The following SIPA1L3 variants were observed in gnomAD, a reference collection of about 807,000 sequenced individuals.
SIPA1L3 encodes the protein signal-induced proliferation-associated 1-like protein 3.
SIPA1L3 carries 59 observed loss-of-function variants against 150.1 expected under a neutral mutation model. The ratio of observed to expected loss-of-function variants is 0.39; its 90% CI spans 0.32 to 0.49. SIPA1L3 has a LOEUF of 0.49. SIPA1L3 is among the 20% of genes least tolerant of loss of function. The pLI, the probability that SIPA1L3 is intolerant of heterozygous loss-of-function variation, is 0.86. For synonymous variants in SIPA1L3, 1,070 were observed against 1,077.6 expected (o/e 0.99, Z 0.14); for missense variants, 2,211 against 2,489.5 (o/e 0.89, Z 2.38).
chr19:38,145,591 G>A (rs556561920), intron 12 of SIPA1L3, among the ~76,000 whole-genome samples: 51 of 149,818 alleles, frequency 3.4e-4, no homozygotes, highest in African/African-American at 1.2e-3. Context: ...AACCCTTCAC[G>A]CAGCCTCCCC....
intron 8 of SIPA1L3, 111 bp from the exon 9 acceptor site, chr19:38,119,195 G>C (rs1290239278): frequency 9.2e-7 from 1 of 1,083,396 alleles, no homozygotes. Context: ...GACCTGTCTC[G>C]ATAAAACAAA....
At chr19:37,914,613 G>A (rs1183795081) in intron 1 of SIPA1L3, among the ~76,000 whole-genome samples, 2 of 152,052 alleles carry the variant, frequency 1.3e-5, no homozygotes, top group African/African-American at 2.4e-5. Flanking sequence ...CTGACCTCAG[G>A]TGATCTGCCT....
chr19:37,964,048 C>T (rs1485763928), intron 1 of SIPA1L3: 2 of 152,124 alleles, frequency 1.3e-5, no homozygotes, highest in Non-Finnish European at 2.9e-5. Context: ...TTTGCCCACT[C>T]CTCAGCCCAT....
At chr19:38,196,237 G>T (rs997280866) in intron 18 of SIPA1L3, among the ~76,000 whole-genome samples, 1 of 152,254 alleles carries the variant, frequency 6.6e-6, no homozygotes, top group East Asian at 1.9e-4. Flanking sequence ...CTCAGCAATG[G>T]CAGCCACTCC....
chr19:37,997,323 T>G (rs932132071), intron 1 of SIPA1L3, among the ~76,000 whole-genome samples: 4 of 151,632 alleles, frequency 2.6e-5, no homozygotes, highest in Admixed American at 6.6e-5. Context: ...ATCCCAGCAC[T>G]TTGGGAGGCT....
intron 1 of SIPA1L3, among the ~76,000 whole-genome samples, chr19:37,921,078 G>GC (rs1170880779): frequency 3.3e-5 from 5 of 152,180 alleles, no homozygotes; most frequent in Non-Finnish European, 1.5e-5. Flanking sequence ...TCTTTGGTGT[G>GC]CCCACAGCAC....
intron 21 of SIPA1L3, among the ~76,000 whole-genome samples, chr19:38,205,414 G>T (rs900596314): frequency 6.8e-6 from 1 of 146,228 alleles, no homozygotes; most frequent in Non-Finnish European, 1.5e-5. Flanking sequence ...CCGAGATCAT[G>T]CCTCTGCACT....
intron 10 of SIPA1L3, among the ~76,000 whole-genome samples, chr19:38,138,910 A>AAAAAAACAAAAAC (rs1343348254): frequency 1.8e-5 from 2 of 112,784 alleles, no homozygotes; most frequent in African/African-American, 3.8e-5. Context: ...AAAAAAAAAA[A>AAAAAAACAAAAAC]AAAAACTGAG....
At chr19:37,958,751 A>G (rs1054434595) in intron 1 of SIPA1L3, among the ~76,000 whole-genome samples, 1 of 152,254 alleles carries the variant, frequency 6.6e-6, no homozygotes, top group African/African-American at 2.4e-5. Flanking sequence ...ACATAAAAAG[A>G]CAAACCGTAG....
chr19:38,029,059 G>A (rs925385317), intron 1 of SIPA1L3, 30 bp from the exon 2 acceptor site: 1 of 152,162 alleles, frequency 6.6e-6, no homozygotes, highest in Non-Finnish European at 1.5e-5. Context: ...GTTGGCCAGA[G>A]ACCTAACCTC....
intron 1 of SIPA1L3, among the ~76,000 whole-genome samples, chr19:37,945,928 G>A (rs1489978121): frequency 6.6e-6 from 1 of 152,122 alleles, no homozygotes; most frequent in Admixed American, 6.5e-5. Flanking sequence ...GCCAAGGCGG[G>A]AGGATCACCT....
intron 13 of SIPA1L3, among the ~76,000 whole-genome samples, chr19:38,158,975 G>A (rs1269074481): frequency 6.6e-6 from 1 of 152,220 alleles, no homozygotes; most frequent in Non-Finnish European, 1.5e-5. Context: ...TGTGGTTTTT[G>A]AGGCCGGATG....
intron 10 of SIPA1L3, among the ~76,000 whole-genome samples, chr19:38,131,382 G>A (rs979908190): frequency 3.9e-5 from 6 of 152,248 alleles, no homozygotes; most frequent in South Asian, 4.1e-4. Flanking sequence ...TCTGGCCAGC[G>A]GGCTCCAGAC....
intron 15 of SIPA1L3, among the ~76,000 whole-genome samples, chr19:38,176,990 CAAA>C (rs1302119778): frequency 1.3e-5 from 2 of 151,088 alleles, no homozygotes; most frequent in East Asian, 2.0e-4. Context: ...AAACAAACAA[CAAA>C]AAAACAAACA....
intron 16 of SIPA1L3, chr19:38,186,241 A>G (rs1022766366): frequency 9.9e-5 from 15 of 152,224 alleles, no homozygotes; most frequent in African/African-American, 3.6e-4. Flanking sequence ...AGCATATAAA[A>G]TATCAGCAGG....
intron 1 of SIPA1L3, among the ~76,000 whole-genome samples, chr19:37,980,911 C>T (rs1967186088): frequency 6.6e-6 from 1 of 152,174 alleles, no homozygotes; most frequent in Non-Finnish European, 1.5e-5. Flanking sequence ...TTCCTCCTGC[C>T]TCCTCAGTTC....
chr19:38,091,855 C>T (rs942213097), intron 4 of SIPA1L3, among the ~76,000 whole-genome samples: 7 of 151,608 alleles, frequency 4.6e-5, no homozygotes, highest in East Asian at 1.9e-4. Context: ...GTCAGGAGTT[C>T]GAGACCAGAC....
intron 9 of SIPA1L3, among the ~76,000 whole-genome samples, chr19:38,122,517 C>T (rs1413089173): frequency 6.6e-6 from 1 of 152,162 alleles, no homozygotes; most frequent in Non-Finnish European, 1.5e-5. Flanking sequence ...CCTTTCTGGT[C>T]CTTCTTACCC....
Position 38,081,727 on chromosome 19 carries a change from G to T in SIPA1L3, c.162G>T (p.Pro54=), listed in dbSNP as rs371571630. 9 of 1,602,694 alleles carry T rather than the reference G, an allele frequency of 5.6e-6. No homozygotes were observed. Among genetic ancestry groups the T allele is most frequent in the Non-Finnish European group, 7.7e-6 (9 of 1,176,342 alleles). Residue 54 remains proline, a synonymous_variant, in exon 3 of 22, where the codon CCG becomes CCT. Coordinates refer to ENST00000222345, the MANE Select transcript of SIPA1L3 (RefSeq NM_015073.3). ...TGTCCCAGCCTCTTGGCGAGAGCCC[G>T]GCCACCGCCACCGCCACCGCCACCG... The part of the protein sequence containing the change: ...GSMSQPLGES[P]ATATATATAT...
Sources: allele counts gnomAD v4.1 joint callset (sites outside exome capture counted in the v4.1 genomes callset), GRCh38; gene constraint gnomAD v4.1.1; transcripts MANE v1.5; gene names NCBI Gene and HGNC (gene_info 2026-07-23, HGNC 2026-07-21).